Variants in CAST observed in about 807,000 individuals in gnomAD.
CAST encodes calpastatin, also known as MIR583 host.
A neutral mutation model predicts 119.6 loss-of-function variants in CAST; 76 were observed. The observed-to-expected ratio is 0.64, with a 90% CI of 0.53 to 0.77. The LOEUF (loss-of-function observed/expected upper bound fraction) is 0.77. CAST is among the 30% of genes least tolerant of loss of function. The pLI, the probability that CAST is intolerant of heterozygous loss-of-function variation, is 0.00. For missense variants in CAST, 953 were observed against 946.5 expected, an observed-to-expected ratio of 1.01 and a Z score of -0.09; for synonymous variants, 319 against 331.6, an observed-to-expected ratio of 0.96 and a Z score of 0.41.
chr5:96,124,499 T>G, the CAST span, among the ~76,000 whole-genome samples: 1 of 152,104 alleles, frequency 6.6e-6, no homozygotes, highest in Non-Finnish European at 1.5e-5. Flanking sequence ...TTAAAAATCT[T>G]GAAACACATC....
intron 1 of CAST, among the ~76,000 whole-genome samples, chr5:96,651,819 G>C (rs1379200217): frequency 6.6e-6 from 1 of 152,136 alleles, no homozygotes; most frequent in Admixed American, 6.5e-5. Context: ...ATTGTCTCCT[G>C]TTCTGTGCCA....
the CAST span, among the ~76,000 whole-genome samples, chr5:95,968,248 C>G: frequency 1.3e-5 from 2 of 152,100 alleles, no homozygotes; most frequent in African/African-American, 2.4e-5. Context: ...TTCTAAATAG[C>G]AACAAGGCAA....
At chr5:96,190,008 G>C in the CAST span, among the ~76,000 whole-genome samples, 13 of 152,032 alleles carry the variant, frequency 8.6e-5, no homozygotes, top group African/African-American at 3.1e-4. Context: ...TCTTATTTTA[G>C]AATAAATGTT....
the CAST span, among the ~76,000 whole-genome samples, chr5:96,480,166 CG>C: frequency 6.6e-6 from 1 of 151,950 alleles, no homozygotes; most frequent in Non-Finnish European, 1.5e-5. Context: ...ATCTGTAGGA[CG>C]GAGCATAACT....
At chr5:96,166,227 GA>G in the CAST span, among the ~76,000 whole-genome samples, 2 of 152,130 alleles carry the variant, frequency 1.3e-5, no homozygotes, top group Non-Finnish European at 1.5e-5. Flanking sequence ...AAATAATTAG[GA>G]AATGATGTTT....
the CAST span, among the ~76,000 whole-genome samples, chr5:96,489,601 A>G: frequency 6.6e-6 from 1 of 152,166 alleles, no homozygotes; most frequent in Admixed American, 6.5e-5. Context: ...TGGATGTAAA[A>G]GTTATGTAGG....
At chr5:96,360,013 T>C in the CAST span, among the ~76,000 whole-genome samples, 1 of 152,150 alleles carries the variant, frequency 6.6e-6, no homozygotes, top group Admixed American at 6.5e-5. Flanking sequence ...CCCATGTTTA[T>C]TGGAGGCTTT....
chr5:96,405,776 A>G, the CAST span, among the ~76,000 whole-genome samples: 44,370 of 152,040 alleles, frequency 0.29, 7,509 homozygotes, highest in Admixed American at 0.42. Flanking sequence ...CACTTTTACA[A>G]TTTCAGCTCT....
the CAST span, chr5:96,432,849 G>A: frequency 6.2e-7 from 1 of 1,611,510 alleles, no homozygotes. Flanking sequence ...TTTCTTGAAA[G>A]TGGAAACTCT....
At chr5:96,713,561 A>G (rs767314760) in intron 3 of CAST, among the ~76,000 whole-genome samples, 1 of 152,256 alleles carries the variant, frequency 6.6e-6, no homozygotes, top group East Asian at 1.9e-4. Flanking sequence ...TGACTGGAAC[A>G]TGGACCTAAA....
chr5:96,331,812 A>G, the CAST span, among the ~76,000 whole-genome samples: 1 of 152,196 alleles, frequency 6.6e-6, no homozygotes, highest in East Asian at 1.9e-4. Context: ...TTCAATGCAG[A>G]GATTACTATG....
chr5:96,382,218 C>T, the CAST span, among the ~76,000 whole-genome samples: 1 of 152,204 alleles, frequency 6.6e-6, no homozygotes, highest in Admixed American at 6.5e-5. Context: ...TTTGATACCA[C>T]CTAAGGGTTC....
the CAST span, among the ~76,000 whole-genome samples, chr5:96,418,591 A>G: frequency 3.9e-5 from 6 of 152,210 alleles, no homozygotes; most frequent in African/African-American, 1.2e-4. Context: ...ATAAAGAACA[A>G]CAGCAATACT....
chr5:96,357,699 T>C, the CAST span, among the ~76,000 whole-genome samples: 2 of 152,246 alleles, frequency 1.3e-5, no homozygotes, highest in African/African-American at 2.4e-5. Context: ...TTGTGGTGGA[T>C]AAGCTTTTTG....
the CAST span, among the ~76,000 whole-genome samples, chr5:96,509,715 A>T: frequency 6.6e-6 from 1 of 152,246 alleles, no homozygotes; most frequent in Non-Finnish European, 1.5e-5. Flanking sequence ...GAAATCAATA[A>T]GAAGGAATGA....
the CAST span, among the ~76,000 whole-genome samples, chr5:96,484,962 T>C: frequency 2.0e-5 from 3 of 152,190 alleles, no homozygotes; most frequent in African/African-American, 7.2e-5. Flanking sequence ...TATTCAAATG[T>C]AGAGCTCTCT....
At chr5:96,175,775 G>A in the CAST span, among the ~76,000 whole-genome samples, 3 of 152,220 alleles carry the variant, frequency 2.0e-5, no homozygotes, top group Admixed American at 1.3e-4. Context: ...GTGAGATAGA[G>A]CAGTATGTTT....
At chr5:96,137,420 T>G in the CAST span, among the ~76,000 whole-genome samples, 1 of 152,292 alleles carries the variant, frequency 6.6e-6, no homozygotes, top group South Asian at 2.1e-4. Context: ...TATTGAAGGA[T>G]TTCTTACCAT....
At chr5:96,511,682 T>C in the CAST span, among the ~76,000 whole-genome samples, 6 of 152,262 alleles carry the variant, frequency 3.9e-5, no homozygotes, top group Non-Finnish European at 8.8e-5. Context: ...TAGCCAATTT[T>C]ACTCTACTCC....
Sources: allele counts gnomAD v4.1 joint callset (sites outside exome capture counted in the v4.1 genomes callset), GRCh38; gene constraint gnomAD v4.1.1; transcripts MANE v1.5; gene names NCBI Gene and HGNC (gene_info 2026-07-23, HGNC 2026-07-21).